CHD1: variants seen among roughly 807,000 people sequenced by gnomAD.
The protein encoded by CHD1 is ATP-dependent chromatin remodeler CHD1.
A neutral mutation model predicts 224.2 loss-of-function variants in CHD1; 36 were observed. That is an observed-to-expected ratio of 0.16 (90% CI 0.12 to 0.21). The LOEUF is 0.21. CHD1 is among the 10% of genes least tolerant of loss of function. The pLI, the probability that CHD1 is intolerant of heterozygous loss-of-function variation, is 1.00. For synonymous variants in CHD1, 668 were observed against 658.3 expected, an observed-to-expected ratio of 1.01 and a Z score of -0.23; for missense variants, 1,378 against 1,994.8, an observed-to-expected ratio of 0.69 and a Z score of 5.89.
chr5:98,884,225 C>T (rs1256475204), intron 18 of CHD1, among the ~76,000 whole-genome samples: 7 of 151,892 alleles, frequency 4.6e-5, no homozygotes, highest in Non-Finnish European at 8.8e-5. Context: ...AGGCGCCCGC[C>T]ACTACGCCCA....
intron 24 of CHD1, among the ~76,000 whole-genome samples, chr5:98,875,709 A>G (rs1329438849): frequency 6.6e-6 from 1 of 152,212 alleles, no homozygotes; most frequent in Non-Finnish European, 1.5e-5. Flanking sequence ...TTTCTGGTAG[A>G]AAGAATAAGG....
chr5:98,854,939 T>A lies in CHD1; in HGVS notation c.*1441A>T. 6.6e-6 allele frequency: 1 copy of A among 152,116 alleles called. No homozygotes were observed. The allele number at this position is 152,116 out of a possible 1,614,324, so 9.4% of individuals were successfully genotyped here. A position where few individuals can be genotyped will look rare whatever the true frequency, so the allele number is the denominator to read the frequency against. On this transcript the variant is annotated 3_prime_UTR_variant, in exon 36 of 36. Transcript: ENST00000614616. ...AACAAAATAAAAATCTGTGAATAAA[T>A]ATAAAGCATCCCATAATAATATCTG...
intron 15 of CHD1, among the ~76,000 whole-genome samples, chr5:98,891,143 G>A (rs1032710907): frequency 5.9e-5 from 9 of 152,134 alleles, no homozygotes; most frequent in South Asian, 4.2e-4. Flanking sequence ...GCATGACCTC[G>A]GTTCACTGCA....
chr5:98,872,428 T>G lies in CHD1; in HGVS notation c.3699A>C (p.Glu1233Asp), dbSNP rs1362495825. 1 of 1,608,962 alleles carries G rather than the reference T, an allele frequency of 6.2e-7. No homozygotes were observed. The highest frequency in any genetic ancestry group is 8.5e-7 in the Non-Finnish European group (1 of 1,178,778). ...AATAAATCACTCACTGCTTTCTTTCTTCTGGATCAGAAGGAATGGATTTGT... is the reference window on the plus strand; with the variant it reads ...AATAAATCACTCACTGCTTTCTTTCGTCTGGATCAGAAGGAATGGATTTGT... ...PLHKSIPSDP[E>D]ERKQYTIPCH... Residue 1233 changes from glutamate (E) to aspartate (D), a missense_variant, in exon 27 of 36, where the codon GAA (glutamate) becomes GAC (aspartate). Glu to Asp is a conservative substitution (Grantham distance 45, BLOSUM62 2). Coordinates refer to ENST00000614616, the MANE Select transcript of CHD1 (RefSeq NM_001270.4).
intron 2 of CHD1, among the ~76,000 whole-genome samples, chr5:98,922,214 T>C (rs161746): frequency 0.14 from 20,837 of 152,090 alleles, 1,807 homozygotes; most frequent in Middle Eastern, 0.27. Context: ...AAAATTTGCT[T>C]GCAAATACCA....
intron 17 of CHD1, among the ~76,000 whole-genome samples, chr5:98,887,072 C>T (rs867496601): frequency 2.6e-5 from 4 of 152,046 alleles, no homozygotes; most frequent in Admixed American, 1.3e-4. Context: ...AACCACCTGT[C>T]GAACAATTAT....
chr5:98,861,577 C>T (rs1247959189), intron 32 of CHD1, among the ~76,000 whole-genome samples: 3 of 151,946 alleles, frequency 2.0e-5, no homozygotes, highest in Non-Finnish European at 4.4e-5. Context: ...AGCAAAATAG[C>T]TGCGACCTCT....
intron 2 of CHD1, among the ~76,000 whole-genome samples, chr5:98,918,531 A>G (rs1752889391): frequency 6.6e-6 from 1 of 150,766 alleles, no homozygotes; most frequent in African/African-American, 2.4e-5. Flanking sequence ...GCACTTAGGG[A>G]GGCCAAGGCG....
intron 2 of CHD1, among the ~76,000 whole-genome samples, chr5:98,915,853 T>G (rs1286723620): frequency 6.6e-6 from 1 of 152,196 alleles, no homozygotes; most frequent in African/African-American, 2.4e-5. Context: ...AACTTCAAAT[T>G]ATTCATAATA....
At chr5:98,867,433 T>C (rs1748961475) in intron 31 of CHD1, among the ~76,000 whole-genome samples, 1 of 152,206 alleles carries the variant, frequency 6.6e-6, no homozygotes, top group Non-Finnish European at 1.5e-5. Context: ...TGTACATAAT[T>C]TTTTCTTATT....
At chr5:98,861,070 G>A (rs62367694) in intron 32 of CHD1, among the ~76,000 whole-genome samples, 3 of 152,140 alleles carry the variant, frequency 2.0e-5, no homozygotes, top group Non-Finnish European at 2.9e-5. Context: ...TCATCCGAAT[G>A]ACTGTCTGAT....
intron 17 of CHD1, among the ~76,000 whole-genome samples, chr5:98,887,491 C>T (rs914926457): frequency 6.6e-6 from 1 of 152,032 alleles, no homozygotes; most frequent in African/African-American, 2.4e-5. Flanking sequence ...CATAAAATTG[C>T]TTTGAGAATT....
In CHD1 at chr5:98,855,072, T is replaced by C. The variant is rs1747919459; in HGVS notation, c.*1308A>G. ...TAGTTGTAATGCTACACATTACAAA[T>C]ATTCAACTGCTTACCAAAATACTTT... On this transcript the variant is annotated 3_prime_UTR_variant, in exon 36 of 36. Coordinates refer to ENST00000614616, the MANE Select transcript of CHD1 (RefSeq NM_001270.4). 6.6e-6 allele frequency: 1 copy of C among 152,256 alleles called. No homozygotes were observed. Among genetic ancestry groups the C allele is most frequent in the Admixed American group, 6.5e-5 (1 of 15,272 alleles). The allele number at this position is 152,256 out of a possible 1,614,324, so 9.4% of individuals were successfully genotyped here. A position where few individuals can be genotyped will look rare whatever the true frequency, so the allele number is the denominator to read the frequency against.
In CHD1 at chr5:98,905,001, C is replaced by T; in HGVS notation, c.151G>A (p.Asp51Asn). 1 of 1,560,570 alleles carries T rather than the reference C, an allele frequency of 6.4e-7. No individual in the cohort carries two copies. Among genetic ancestry groups the T allele is most frequent in the African/African-American group, 1.4e-5 (1 of 73,976 alleles). ...DGSSSQSGSS[D>N]SDSGSESGSQ... Reference sequence around the variant, plus strand: ...CCTGATTCAGATCCGGAGTCAGAGTCACTGCTACCTGACTGGCTACTGCTT... The same window carrying T: ...CCTGATTCAGATCCGGAGTCAGAGTTACTGCTACCTGACTGGCTACTGCTT... The change falls in exon 3 of 36, where the codon GAC becomes AAC. Residue 51 changes from aspartate to asparagine, a missense_variant. This residue lies in a region of CHD1 where 306 missense variants were observed against 298.1 expected (regional missense o/e 1.03). Coordinates refer to ENST00000614616, the MANE Select transcript of CHD1 (RefSeq NM_001270.4).
At chr5:98,870,393 T>C (rs1749244088) in intron 29 of CHD1, among the ~76,000 whole-genome samples, 1 of 152,120 alleles carries the variant, frequency 6.6e-6, no homozygotes, top group African/African-American at 2.4e-5. Context: ...TATGTAAGGC[T>C]TGACTTCTCA....
At chr5:98,880,509 A>G (rs1750097602) in intron 22 of CHD1, among the ~76,000 whole-genome samples, 1 of 152,244 alleles carries the variant, frequency 6.6e-6, no homozygotes, top group Non-Finnish European at 1.5e-5. Flanking sequence ...CACAGTTCAG[A>G]GAAAACAGCT....
chr5:98,863,346 A>AC lies in CHD1; in HGVS notation c.4427+61_4427+62insG, dbSNP rs1422166680. 8.3e-5 allele frequency: 47 copies of AC among 567,018 alleles called. No homozygotes were observed. In the South Asian group the frequency reaches 1.3e-3, roughly 15 times the overall value. The allele number at this position is 567,018 out of a possible 1,614,324, so 35.1% of individuals were successfully genotyped here. ...AACTTCAGAATCAGGAAAGAAAACA[A>AC]AAAAAAAAAAAGACAGTTATATAAT... On this transcript the variant is annotated intron_variant, in intron 32 of 35. Transcript: ENST00000614616.
chr5:98,899,421 A>C (rs1449250991), intron 8 of CHD1, 59 bp downstream of exon 8: 2 of 1,065,348 alleles, frequency 1.9e-6, no homozygotes, highest in Non-Finnish European at 2.8e-6. Flanking sequence ...CTTTATTAAC[A>C]TAAAGGTTTA....
chr5:98,928,073 G>GC (rs1163208434), intron 1 of CHD1, among the ~76,000 whole-genome samples: 1 of 152,008 alleles, frequency 6.6e-6, no homozygotes, highest in Admixed American at 6.5e-5. Context: ...TCGCGGACCT[G>GC]CCCCCCTCTC....
Sources: allele counts gnomAD v4.1 joint callset (sites outside exome capture counted in the v4.1 genomes callset), GRCh38; gene constraint gnomAD v4.1.1; regional missense constraint gnomAD v4.1.1; transcripts MANE v1.5; gene names NCBI Gene and HGNC (gene_info 2026-07-23, HGNC 2026-07-21).